Variants in FGD4 observed in about 807,000 individuals in gnomAD.
FGD4 encodes FYVE, RhoGEF and PH domain-containing protein 4.
A neutral mutation model predicts 102.0 loss-of-function variants in FGD4; 42 were observed. The ratio of observed to expected loss-of-function variants is 0.41; its 90% confidence interval spans 0.32 to 0.53. The LOEUF (loss-of-function observed/expected upper bound fraction) is 0.53. FGD4 is among the 20% of genes least tolerant of loss of function. The pLI is 0.21. For missense variants in FGD4, 902 were observed against 1,078.2 expected (o/e 0.84, Z 2.29); for synonymous variants, 380 against 375.7 (o/e 1.01, Z -0.13).
intron 8 of FGD4, among the ~76,000 whole-genome samples, chr12:32,609,918 G>A (rs1214946876): frequency 1.3e-5 from 2 of 152,154 alleles, no homozygotes; most frequent in Admixed American, 6.5e-5. Context: ...GGCATCCACA[G>A]CACTTCACCA....
chr12:32,477,581 G>A (rs150053516), intron 1 of FGD4: 14 of 152,302 alleles, frequency 9.2e-5, no homozygotes, highest in African/African-American at 2.9e-4. Context: ...CAAAGTTTGT[G>A]TGTGACAGGA....
chr12:32,488,809 CAT>C (rs1565772227), intron 1 of FGD4, among the ~76,000 whole-genome samples: 3 of 152,146 alleles, frequency 2.0e-5, no homozygotes, highest in Admixed American at 2.0e-4. Context: ...CGTGGTGGCG[CAT>C]GCCTGTAGTC....
chr12:32,404,146 A>G (rs1940821123), intron 1 of FGD4, among the ~76,000 whole-genome samples: 1 of 145,548 alleles, frequency 6.9e-6, no homozygotes, highest in African/African-American at 2.6e-5. Flanking sequence ...TCAGCCATGC[A>G]TTTGTTGTAT....
chr12:32,632,535 G>C (rs762915957), intron 14 of FGD4, among the ~76,000 whole-genome samples: 2 of 152,158 alleles, frequency 1.3e-5, no homozygotes, highest in Non-Finnish European at 2.9e-5. Flanking sequence ...TAAGAAGCCA[G>C]TGTCACTGAA....
chr12:32,516,128 G>A (rs1939857696), intron 1 of FGD4, among the ~76,000 whole-genome samples: 1 of 152,146 alleles, frequency 6.6e-6, no homozygotes, highest in South Asian at 2.1e-4. Context: ...GGGATTTCAG[G>A]TGATTAGAAT....
chr12:32,415,694 C>G (rs1187069687), intron 1 of FGD4, among the ~76,000 whole-genome samples: 1 of 152,082 alleles, frequency 6.6e-6, no homozygotes, highest in Non-Finnish European at 1.5e-5. Flanking sequence ...TGCGGAGCCA[C>G]CAGGCGTGAG....
chr12:32,456,119 A>G (rs1273584991), intron 1 of FGD4, among the ~76,000 whole-genome samples: 2 of 152,148 alleles, frequency 1.3e-5, no homozygotes, highest in Non-Finnish European at 2.9e-5. Flanking sequence ...ATAGTATGTC[A>G]AGTGTTTATT....
intron 1 of FGD4, among the ~76,000 whole-genome samples, chr12:32,443,534 GTT>G (rs1178483915): frequency 1.3e-4 from 15 of 118,344 alleles, no homozygotes; most frequent in Admixed American, 2.7e-4. Context: ...TGTGTTTTAG[GTT>G]TTTTTTTTTT....
chr12:32,486,878 GA>G (rs1168975620), intron 1 of FGD4, among the ~76,000 whole-genome samples: 4 of 152,006 alleles, frequency 2.6e-5, no homozygotes, highest in African/African-American at 9.7e-5. Context: ...GTAGGAAGGA[GA>G]AAAAAATAAA....
chr12:32,430,973 C>T (rs748996721), intron 1 of FGD4, among the ~76,000 whole-genome samples: 1 of 152,178 alleles, frequency 6.6e-6, no homozygotes, highest in Non-Finnish European at 1.5e-5. Flanking sequence ...AGTCATTGTT[C>T]TGAAGTCAGT....
intron 1 of FGD4, among the ~76,000 whole-genome samples, chr12:32,447,884 T>C (rs371169461): frequency 6.6e-6 from 1 of 152,234 alleles, no homozygotes; most frequent in Non-Finnish European, 1.5e-5. Context: ...TATTTGTTGG[T>C]TGAAATATAT....
chr12:32,465,632 C>T (rs556827432), intron 1 of FGD4, among the ~76,000 whole-genome samples: 26 of 151,606 alleles, frequency 1.7e-4, no homozygotes, highest in African/African-American at 5.8e-4. Context: ...CGCGCCACTG[C>T]GCTCCAGCCT....
At chr12:32,473,190 G>A (rs1184402774) in intron 1 of FGD4, among the ~76,000 whole-genome samples, 2 of 152,086 alleles carry the variant, frequency 1.3e-5, no homozygotes, top group African/African-American at 2.4e-5. Context: ...TCAGCAGGAT[G>A]TGGGTGGGGC....
chr12:32,603,415 C>T (rs1323999721), intron 7 of FGD4, among the ~76,000 whole-genome samples: 2 of 151,190 alleles, frequency 1.3e-5, no homozygotes, highest in Non-Finnish European at 2.9e-5. Flanking sequence ...GACGGAGTCT[C>T]GCTGCTCTGT....
At chr12:32,555,280 T>C (rs755995280) in intron 1 of FGD4, among the ~76,000 whole-genome samples, 20 of 152,162 alleles carry the variant, frequency 1.3e-4, no homozygotes, top group Non-Finnish European at 2.1e-4. Flanking sequence ...AATGGAGTTA[T>C]TACTATTGAT....
At chr12:32,401,726 C>CTT (rs34078307) in intron 1 of FGD4, among the ~76,000 whole-genome samples, 19,071 of 113,414 alleles carry the variant, frequency 0.17, 2,505 homozygotes, top group African/African-American at 0.33. Flanking sequence ...CTTTTCCATT[C>CTT]TTTTTTTTTT....
chr12:32,445,424 A>G (rs959642275), intron 1 of FGD4, among the ~76,000 whole-genome samples: 4 of 152,216 alleles, frequency 2.6e-5, no homozygotes, highest in African/African-American at 9.6e-5. Flanking sequence ...CTCGTGGACC[A>G]TTGCTTAGGA....
rs959114835 is a variant in FGD4, at chr12:32,561,070, G to T, written c.167-3067G>T. On this transcript the variant is annotated intron_variant, in intron 1 of 16. Coordinates refer to ENST00000534526, the MANE Select transcript of FGD4 (RefSeq NM_001370298.3). ...AGCAGAAATGTGGTTTCTTTGTTGG[G>T]TTTTGTTTTTTTTTTTTTTTTTTTT... Among the ~76,000 whole-genome samples the T allele has an allele frequency of 4.7e-3, 423 of 90,798 alleles. 4 individuals carry two copies. The highest frequency in any genetic ancestry group is 0.021 in the Middle Eastern group (3 of 142). The allele number at this position is 90,798 out of a possible 152,430, so 59.6% of individuals were successfully genotyped here. A position where few individuals can be genotyped will look rare whatever the true frequency, so the allele number is the denominator to read the frequency against.
chr12:32,486,020 C>G, intron 1 of FGD4: 1 of 1,457,952 alleles, frequency 6.9e-7, no homozygotes, highest in East Asian at 2.5e-5. Context: ...TGTCTAGTGT[C>G]TAAATACAGA....
Sources: gnomAD v4.1 joint callset for allele counts (sites outside exome capture counted in the v4.1 genomes callset) on GRCh38, gnomAD v4.1.1 for gene constraint, MANE v1.5 for transcripts, NCBI Gene and HGNC (gene_info 2026-07-23, HGNC 2026-07-21) for gene names.